ADGRL3: variants seen among roughly 807,000 people sequenced by gnomAD.
ADGRL3 encodes adhesion G protein-coupled receptor L3, also known as calcium-independent alpha-latrotoxin receptor 3.
A neutral mutation model predicts 153.5 loss-of-function variants in ADGRL3; 62 were observed. The observed-to-expected ratio is 0.40, with a 90% CI of 0.33 to 0.50. ADGRL3 has a LOEUF of 0.50. Among genes scored for constraint, ADGRL3 ranks in the 20% least tolerant of loss-of-function variants. ADGRL3 has a pLI of 0.47. For synonymous variants in ADGRL3, 710 were observed against 672.5 expected (o/e 1.06, Z -0.86); for missense variants, 1,641 against 1,859.4 (o/e 0.88, Z 2.16).
chr4:61,422,187 G>A (rs1042254537), intron 2 of ADGRL3, among the ~76,000 whole-genome samples: 3 of 152,026 alleles, frequency 2.0e-5, no homozygotes, highest in Admixed American at 1.3e-4. Context: ...GTTCTGACTG[G>A]GGAGTCTTGA....
At chr4:61,604,461 A>G (rs1417664122) in intron 5 of ADGRL3, among the ~76,000 whole-genome samples, 2 of 152,234 alleles carry the variant, frequency 1.3e-5, no homozygotes, top group Admixed American at 6.5e-5. Context: ...GAATGAAACA[A>G]CGAATGAATC....
At chr4:61,605,089 CAAAAAAAAAA>C (rs71211396) in intron 5 of ADGRL3, among the ~76,000 whole-genome samples, 100 of 61,436 alleles carry the variant, frequency 1.6e-3, no homozygotes, top group African/African-American at 5.7e-3. Flanking sequence ...GACTCTGTCT[CAAAAAAAAAA>C]AAAAAAAAAA....
At chr4:61,575,968 A>C (rs984442005) in intron 4 of ADGRL3, among the ~76,000 whole-genome samples, 8 of 152,052 alleles carry the variant, frequency 5.3e-5, no homozygotes, top group Admixed American at 1.3e-4. Flanking sequence ...AACAAATATA[A>C]TAGAGTGCTT....
At chr4:62,031,914 G>T (rs1230276858) in intron 23 of ADGRL3, among the ~76,000 whole-genome samples, 1 of 150,270 alleles carries the variant, frequency 6.7e-6, no homozygotes, top group East Asian at 2.0e-4. Context: ...TTGTGTATTA[G>T]GAAGTAATTA....
At chr4:61,306,490 A>C (rs2150428537) in intron 1 of ADGRL3, among the ~76,000 whole-genome samples, 1 of 150,550 alleles carries the variant, frequency 6.6e-6, no homozygotes, top group East Asian at 1.9e-4. Flanking sequence ...CATTACACTG[A>C]GTAACATGTA....
chr4:61,888,820 A>C (rs2098553844), intron 9 of ADGRL3, among the ~76,000 whole-genome samples: 1 of 152,162 alleles, frequency 6.6e-6, no homozygotes, highest in Admixed American at 6.5e-5. Flanking sequence ...TATCATTGTT[A>C]TTGCTTCATA....
At chr4:61,204,310 G>C (rs1343681472) in intron 1 of ADGRL3, among the ~76,000 whole-genome samples, 1 of 152,090 alleles carries the variant, frequency 6.6e-6, no homozygotes, top group Non-Finnish European at 1.5e-5. Context: ...AGAAAATTTT[G>C]ATTTAATTCA....
intron 2 of ADGRL3, among the ~76,000 whole-genome samples, chr4:61,419,308 C>T (rs2097176500): frequency 1.3e-5 from 2 of 150,824 alleles, no homozygotes; most frequent in African/African-American, 2.5e-5. Flanking sequence ...CTAATATTAA[C>T]ATTGAAATAA....
intron 9 of ADGRL3, among the ~76,000 whole-genome samples, chr4:61,842,048 A>G (rs1035350221): frequency 6.6e-6 from 1 of 152,220 alleles, no homozygotes; most frequent in African/African-American, 2.4e-5. Flanking sequence ...CTCAAAGCCT[A>G]ATTTAAATCT....
rs895421092 is a variant in ADGRL3, at chr4:61,750,085, G to C, written c.1399+16531G>C. 2.0e-5 allele frequency among the ~76,000 whole-genome samples: 3 copies of C among 149,590 alleles called. No homozygotes were observed. In the Admixed American group the frequency reaches 2.0e-4, roughly 10 times the overall value. On this transcript the variant is annotated intron_variant, in intron 8 of 26. Coordinates refer to ENST00000683033, the MANE Select transcript of ADGRL3 (RefSeq NM_001387552.1). ...ACCGTGCCACTATTCTATGTTCTGT[G>C]GTTGTTACAAGAAAGAACAAGGCAG...
intron 1 of ADGRL3, among the ~76,000 whole-genome samples, chr4:61,354,563 T>G (rs2096123537): frequency 8.0e-6 from 1 of 125,634 alleles, no homozygotes; most frequent in South Asian, 3.2e-4. Flanking sequence ...TCATAGATGA[T>G]AAGACTTTGT....
intron 21 of ADGRL3, among the ~76,000 whole-genome samples, chr4:62,003,540 T>C (rs1296460269): frequency 6.6e-6 from 1 of 152,138 alleles, no homozygotes; most frequent in Non-Finnish European, 1.5e-5. Context: ...TATACCTATT[T>C]CATAGAGCTT....
intron 8 of ADGRL3, among the ~76,000 whole-genome samples, chr4:61,736,193 G>A (rs942665005): frequency 8.6e-5 from 13 of 151,990 alleles, no homozygotes; most frequent in African/African-American, 3.1e-4. Flanking sequence ...CCATATGTAT[G>A]TATGTACATA....
At chr4:61,590,676 C>G (rs1245103247) in intron 5 of ADGRL3, among the ~76,000 whole-genome samples, 2 of 152,054 alleles carry the variant, frequency 1.3e-5, no homozygotes, top group African/African-American at 2.4e-5. Flanking sequence ...CAACATTTTA[C>G]TTTTTATCTC....
intron 5 of ADGRL3, among the ~76,000 whole-genome samples, chr4:61,631,940 T>C (rs1377234101): frequency 6.6e-6 from 1 of 152,064 alleles, no homozygotes; most frequent in African/African-American, 2.4e-5. Flanking sequence ...GAATATAATG[T>C]CAAAAAGAAC....
At chr4:61,753,761 G>A (rs1380978304) in intron 8 of ADGRL3, among the ~76,000 whole-genome samples, 2 of 152,152 alleles carry the variant, frequency 1.3e-5, no homozygotes, top group East Asian at 3.8e-4. Context: ...TAATTTGATA[G>A]CAAAATAAGT....
intron 8 of ADGRL3, among the ~76,000 whole-genome samples, chr4:61,750,196 A>C (rs973213539): frequency 6.0e-5 from 9 of 151,146 alleles, no homozygotes; most frequent in South Asian, 2.1e-4. Context: ...AAAAAAAAAA[A>C]AAAAAAAAAA....
intron 1 of ADGRL3, among the ~76,000 whole-genome samples, chr4:61,252,033 G>A (rs1442285611): frequency 6.6e-6 from 1 of 151,782 alleles, no homozygotes; most frequent in Admixed American, 6.6e-5. Context: ...ACAGGCACCT[G>A]CCACCATGCC....
chr4:61,402,141 T>C (rs2096936652), intron 2 of ADGRL3, among the ~76,000 whole-genome samples: 1 of 152,118 alleles, frequency 6.6e-6, no homozygotes, highest in Non-Finnish European at 1.5e-5. Context: ...ACTTACAACA[T>C]GTAAAAAACT....
Sources: allele counts gnomAD v4.1 joint callset (sites outside exome capture counted in the v4.1 genomes callset), GRCh38; gene constraint gnomAD v4.1.1; transcripts MANE v1.5; gene names NCBI Gene and HGNC (gene_info 2026-07-23, HGNC 2026-07-21).